The following LIN28B variants were observed in gnomAD, a reference collection of about 807,000 sequenced individuals.
LIN28B encodes protein lin-28 homolog B.
Under a neutral mutation model 21.9 loss-of-function variants are expected in LIN28B, and 5 were observed. That is an observed-to-expected ratio of 0.23 (90% CI 0.12 to 0.48). The LOEUF (loss-of-function observed/expected upper bound fraction) is 0.48. Among genes scored for constraint, LIN28B ranks in the 20% least tolerant of loss-of-function variants. The pLI, the probability that LIN28B is intolerant of heterozygous loss-of-function variation, is 0.98. For missense variants in LIN28B, 245 were observed against 310.5 expected (o/e 0.79, Z 1.58); for synonymous variants, 109 against 111.3 (o/e 0.98, Z 0.13).
At chr6:104,951,280 A>G (rs902778502) in intron 3 of LIN28B, among the ~76,000 whole-genome samples, 5 of 152,168 alleles carry the variant, frequency 3.3e-5, no homozygotes, top group Non-Finnish European at 7.4e-5. Context: ...TACAAGTAAA[A>G]TGATGTTATT....
intron 2 of LIN28B, among the ~76,000 whole-genome samples, chr6:104,992,042 A>C (rs1393815205): frequency 6.6e-6 from 1 of 151,232 alleles, no homozygotes; most frequent in Non-Finnish European, 1.5e-5. Flanking sequence ...TAGTCTTTTA[A>C]TTGGAGTCTT....
chr6:105,067,300 G>T (rs996978454), intron 3 of LIN28B, among the ~76,000 whole-genome samples: 1 of 152,114 alleles, frequency 6.6e-6, no homozygotes, highest in African/African-American at 2.4e-5. Context: ...AACTGATCTT[G>T]CTTCCAACAA....
At chr6:105,070,105 G>A (rs75086931) in intron 3 of LIN28B, among the ~76,000 whole-genome samples, 3,564 of 152,158 alleles carry the variant, frequency 0.023, 52 homozygotes, top group Middle Eastern at 0.14. Flanking sequence ...AATATTGTCA[G>A]TGCGACACTT....
chr6:104,977,072 TGA>T (rs1159795182), intron 2 of LIN28B, among the ~76,000 whole-genome samples: 6 of 152,128 alleles, frequency 3.9e-5, no homozygotes, highest in Non-Finnish European at 8.8e-5. Context: ...TCTTTCAGGT[TGA>T]AGTACAGTGA....
chr6:104,967,821 G>A (rs2114585053), intron 2 of LIN28B, among the ~76,000 whole-genome samples: 1 of 152,076 alleles, frequency 6.6e-6, no homozygotes, highest in African/African-American at 2.4e-5. Context: ...TGGGACTACA[G>A]GCGTGCACCA....
intron 3 of LIN28B, among the ~76,000 whole-genome samples, chr6:105,028,638 A>G (rs1403293736): frequency 6.6e-6 from 1 of 152,198 alleles, no homozygotes; most frequent in Non-Finnish European, 1.5e-5. Flanking sequence ...CTATTTATCA[A>G]GATGGGGAAA....
chr6:105,066,817 A>G (rs1008706437), intron 3 of LIN28B, among the ~76,000 whole-genome samples: 1 of 152,042 alleles, frequency 6.6e-6, no homozygotes. Context: ...TTTTACATAT[A>G]TATATATATG....
intron 2 of LIN28B, among the ~76,000 whole-genome samples, chr6:105,019,865 G>T (rs1771100373): frequency 6.6e-6 from 1 of 151,982 alleles, no homozygotes; most frequent in Non-Finnish European, 1.5e-5. Context: ...CACCTCACTT[G>T]GTCTGTTCAG....
At chr6:104,975,442 GACCCCAGTTT>G (rs966076840) in intron 2 of LIN28B, among the ~76,000 whole-genome samples, 1 of 152,210 alleles carries the variant, frequency 6.6e-6, no homozygotes. Flanking sequence ...CCTAGGCATA[GACCCCAGTTT>G]GCCACCATTT....
intron 2 of LIN28B, among the ~76,000 whole-genome samples, chr6:105,013,157 G>T (rs190877047): frequency 6.6e-6 from 1 of 151,854 alleles, no homozygotes; most frequent in Non-Finnish European, 1.5e-5. Context: ...GATTACAGGC[G>T]TGCACCACCA....
intron 3 of LIN28B, among the ~76,000 whole-genome samples, chr6:105,034,531 A>G (rs1022239884): frequency 2.6e-5 from 4 of 152,026 alleles, no homozygotes; most frequent in Non-Finnish European, 5.9e-5. Context: ...TCATAGTAGA[A>G]GAATTTGTTA....
chr6:104,958,333 G>A (rs1562071354), intron 2 of LIN28B, 47 bp downstream of exon 2: 27 of 1,423,676 alleles, frequency 1.9e-5, no homozygotes, highest in Non-Finnish European at 2.2e-5. Context: ...TCCATGTGGA[G>A]GAGCTGATCG....
chr6:105,046,868 G>GT (rs1771778430), intron 3 of LIN28B, among the ~76,000 whole-genome samples: 1 of 152,004 alleles, frequency 6.6e-6, no homozygotes, highest in African/African-American at 2.4e-5. Context: ...GGGGTTGTTT[G>GT]TTTTTTTCTT....
chr6:104,994,226 G>A (rs914675864), intron 2 of LIN28B, among the ~76,000 whole-genome samples: 4 of 152,082 alleles, frequency 2.6e-5, no homozygotes, highest in Admixed American at 1.3e-4. Flanking sequence ...GGTTGGTCTC[G>A]ATCTCCTGAC....
chr6:104,947,223 C>T (rs570180699), intron 2 of LIN28B, among the ~76,000 whole-genome samples: 2 of 152,228 alleles, frequency 1.3e-5, no homozygotes, highest in Non-Finnish European at 2.9e-5. Flanking sequence ...CTCCCGGGTT[C>T]AGGCAGTTCT....
chr6:104,996,674 G>A (rs1240294031), intron 2 of LIN28B, among the ~76,000 whole-genome samples: 1 of 152,158 alleles, frequency 6.6e-6, no homozygotes, highest in Non-Finnish European at 1.5e-5. Flanking sequence ...GGTTTTAATT[G>A]ATAAACTTTG....
intron 2 of LIN28B, among the ~76,000 whole-genome samples, chr6:105,002,030 T>C (rs989641819): frequency 1.3e-5 from 2 of 152,178 alleles, no homozygotes; most frequent in African/African-American, 4.8e-5. Context: ...TTGACTTACA[T>C]GTATCCAGCA....
At chr6:104,965,621 A>T (rs1286220331) in intron 2 of LIN28B, among the ~76,000 whole-genome samples, 1 of 152,204 alleles carries the variant, frequency 6.6e-6, no homozygotes, top group Non-Finnish European at 1.5e-5. Context: ...TCCTGGGCTC[A>T]AGTGATCCTC....
intron 2 of LIN28B, among the ~76,000 whole-genome samples, chr6:104,973,992 C>T (rs1178990863): frequency 6.6e-6 from 1 of 152,168 alleles, no homozygotes; most frequent in Non-Finnish European, 1.5e-5. Context: ...AAATGTTTTA[C>T]TGTACATCAT....
Sources: allele counts gnomAD v4.1 joint callset (sites outside exome capture counted in the v4.1 genomes callset), GRCh38; gene constraint gnomAD v4.1.1; transcripts MANE v1.5; gene names NCBI Gene and HGNC (gene_info 2026-07-23, HGNC 2026-07-21).